Variants in GABRB3 observed in about 807,000 individuals in gnomAD.
GABRB3 encodes gamma-aminobutyric acid type A receptor subunit beta3.
Under a neutral mutation model 52.1 loss-of-function variants are expected in GABRB3, and 14 were observed. That is an observed-to-expected ratio of 0.27 (90% CI 0.18 to 0.42). The LOEUF (loss-of-function observed/expected upper bound fraction) is 0.42, where lower values mean the gene tolerates loss of function less well. GABRB3 is among the 10% of genes least tolerant of loss of function. The probability of loss-of-function intolerance (pLI) is 1.00; values close to 1 mark genes in which losing one functional copy is unlikely to be tolerated. For synonymous variants in GABRB3, 260 were observed against 232.3 expected (o/e 1.12, Z -1.08); for missense variants, 307 against 609.1 (o/e 0.50, Z 5.22).
intron 3 of GABRB3, among the ~76,000 whole-genome samples, chr15:26,719,292 C>T (rs1269745593): frequency 6.6e-6 from 1 of 152,212 alleles, no homozygotes; most frequent in Non-Finnish European, 1.5e-5. Flanking sequence ...CGGACTGTTC[C>T]AGGACTCCGC....
At chr15:26,762,846 A>C (rs1044762476) in intron 3 of GABRB3, among the ~76,000 whole-genome samples, 7 of 152,226 alleles carry the variant, frequency 4.6e-5, no homozygotes, top group African/African-American at 1.7e-4. Flanking sequence ...CCATTGTTTT[A>C]GTCCATGCCA....
Position 26,729,855 on chromosome 15 carries a change from T to C in GABRB3, c.240+42547A>G, listed in dbSNP as rs148085486. ...ACTACCATCCAACACAATAGATGTT[T>C]ACTTGCATGTTTGTTTGTAGTCTGT... On this transcript the variant is annotated intron_variant, in intron 3 of 8. Transcript: ENST00000311550. Among the ~76,000 whole-genome samples the C allele has an allele frequency of 1.5e-3, 228 of 152,320 alleles. 1 individual carries two copies. The highest frequency in any genetic ancestry group is 4.7e-3 in the African/African-American group (194 of 41,570).
In GABRB3 at chr15:26,762,284, T is replaced by C. The variant is rs990769758; in HGVS notation, c.240+10118A>G. Among the ~76,000 whole-genome samples, 5 of 152,226 alleles carry C rather than the reference T, an allele frequency of 3.3e-5. No individual in the cohort carries two copies. The South Asian group carries it at 8.3e-4, about 25-fold the overall frequency. Reference sequence around the variant, plus strand: ...ATTATAACAAGTGCTTTAATCTTCATTTCTGCAAAATATCACTCATCTCCT... The same window carrying C: ...ATTATAACAAGTGCTTTAATCTTCACTTCTGCAAAATATCACTCATCTCCT... On this transcript the variant is annotated intron_variant, in intron 3 of 8. Transcript: ENST00000311550.
chr15:26,614,189 G>T (rs891800497), intron 4 of GABRB3: 1 of 152,166 alleles, frequency 6.6e-6, no homozygotes, highest in African/African-American at 2.4e-5. Flanking sequence ...CCAACAGATA[G>T]CTCAGGTGGG....
At chr15:26,564,261 G>A (rs191575815) in intron 7 of GABRB3, among the ~76,000 whole-genome samples, 112 of 152,244 alleles carry the variant, frequency 7.4e-4, no homozygotes, top group African/African-American at 2.6e-3. Flanking sequence ...TTTGAATAAG[G>A]GACACCCAAC....
chr15:26,705,768 G>A (rs1889078679), intron 3 of GABRB3, among the ~76,000 whole-genome samples: 1 of 152,170 alleles, frequency 6.6e-6, no homozygotes, highest in African/African-American at 2.4e-5. Flanking sequence ...GGGGGTAGAT[G>A]AATATGTTCA....
At position 26,569,898 on chromosome 15, in the gene GABRB3, A is replaced by G. The variant is rs551846334; in HGVS notation, c.683-2165T>C. 7.9e-5 allele frequency among the ~76,000 whole-genome samples: 12 copies of G among 152,248 alleles called. No individual in the cohort carries two copies. In the South Asian group the frequency reaches 1.9e-3, roughly 24 times the overall value. ...CTTCCTAAATGTTTGTTTGTTCTCTATATTTAATCTTGTAAGTTATCTGAT... is the reference window on the plus strand; with the variant it reads ...CTTCCTAAATGTTTGTTTGTTCTCTGTATTTAATCTTGTAAGTTATCTGAT... On this transcript the variant is annotated intron_variant, in intron 6 of 8. Coordinates refer to ENST00000311550, the MANE Select transcript of GABRB3 (RefSeq NM_000814.6).
intron 3 of GABRB3, among the ~76,000 whole-genome samples, chr15:26,747,244 T>C (rs1036760948): frequency 1.3e-5 from 2 of 152,218 alleles, no homozygotes; most frequent in African/African-American, 4.8e-5. Context: ...TTTTAGAGTA[T>C]GTTTGTCTGT....
rs1008015552 is a variant in GABRB3, at chr15:26,547,504, C to T, written c.*289G>A. On this transcript the variant is annotated 3_prime_UTR_variant, in exon 9 of 9. Transcript: ENST00000311550. Reference sequence around the variant, plus strand: ...AAAAACTATGACTTTCTTTAATATGCATCCTGTGGTAAATTGTCCATAGCT... The same window carrying T: ...AAAAACTATGACTTTCTTTAATATGTATCCTGTGGTAAATTGTCCATAGCT... 7.9e-6 allele frequency: 4 copies of T among 503,570 alleles called. No individual in the cohort carries two copies. Among genetic ancestry groups the T allele is most frequent in the South Asian group, 3.9e-5 (1 of 25,616 alleles). The allele number at this position is 503,570 out of a possible 1,614,324, so 31.2% of individuals were successfully genotyped here.
Position 26,561,118 on chromosome 15 carries a change from G to C in GABRB3, c.894C>G (p.Pro298=). The change falls in exon 8 of 9, where the codon CCC becomes CCG. Residue 298 remains proline (P), a synonymous_variant. Coordinates refer to ENST00000311550, the MANE Select transcript of GABRB3 (RefSeq NM_000814.6). The part of the protein sequence containing the change: ...TINTHLRETL[P]KIPYVKAIDM... ...CAATGGCTTTGACATAGGGGATTTTGGGCAAGGTCTCCCGAAGGTGGGTGT... is the reference window on the plus strand; with the variant it reads ...CAATGGCTTTGACATAGGGGATTTTCGGCAAGGTCTCCCGAAGGTGGGTGT... 6.2e-7 allele frequency: 1 copy of C among 1,614,168 alleles called. No homozygotes were observed. The highest frequency in any genetic ancestry group is 8.5e-7 in the Non-Finnish European group (1 of 1,180,028).
intron 3 of GABRB3, among the ~76,000 whole-genome samples, chr15:26,751,124 T>G (rs1890496172): frequency 1.3e-5 from 2 of 152,202 alleles, no homozygotes; most frequent in Admixed American, 6.5e-5. Flanking sequence ...GTGATGCGTT[T>G]TTACAAAAGT....
At chr15:26,773,618 C>T (rs2140201050), upstream of GABRB3, 2 of 1,540,632 alleles carry the variant, frequency 1.3e-6, no homozygotes, top group East Asian at 2.4e-5. Flanking sequence ...ACGGTGCCTG[C>T]AGAACGCCGG....
At chr15:26,768,855 T>C (rs1360757657) in intron 3 of GABRB3, among the ~76,000 whole-genome samples, 2 of 151,718 alleles carry the variant, frequency 1.3e-5, no homozygotes, top group Non-Finnish European at 2.9e-5. Flanking sequence ...TAGAAAAAAA[T>C]TGGAAATGCA....
chr15:26,723,212 T>C (rs754649393), intron 3 of GABRB3, among the ~76,000 whole-genome samples: 15 of 152,214 alleles, frequency 9.9e-5, no homozygotes, highest in Non-Finnish European at 1.9e-4. Flanking sequence ...AATTTTATCA[T>C]TAGAGTCTTT....
intron 3 of GABRB3, among the ~76,000 whole-genome samples, chr15:26,628,508 G>T (rs899361106): frequency 6.6e-6 from 1 of 152,134 alleles, no homozygotes; most frequent in Non-Finnish European, 1.5e-5. Flanking sequence ...TGGGAAGGAT[G>T]ACTACAGGTG....
Position 26,594,507 on chromosome 15 carries a change from A to G in GABRB3, c.462-11093T>C, listed in dbSNP as rs113471143. On this transcript the variant is annotated intron_variant, in intron 4 of 8. Coordinates refer to ENST00000311550, the MANE Select transcript of GABRB3 (RefSeq NM_000814.6). The stretch of plus-strand genomic sequence containing the variant: ...TTTAAATTTATTTATCTATGTATGT[A>G]TTTGTCAGAGATGCAATCCCACTCT... 7.9e-4 allele frequency among the ~76,000 whole-genome samples: 120 copies of G among 152,174 alleles called. 1 individual carries two copies. The highest frequency in any genetic ancestry group is 2.6e-3 in the African/African-American group (109 of 41,516).
chr15:26,728,662 T>C (rs1376342027), intron 3 of GABRB3, among the ~76,000 whole-genome samples: 1 of 152,238 alleles, frequency 6.6e-6, no homozygotes, highest in African/African-American at 2.4e-5. Flanking sequence ...GGTAGTGGTA[T>C]TCTATGCAGT....
chr15:26,762,810 T>G (rs1293588687), intron 3 of GABRB3, among the ~76,000 whole-genome samples: 2 of 151,980 alleles, frequency 1.3e-5, no homozygotes, highest in Non-Finnish European at 2.9e-5. Context: ...ACATTAACAT[T>G]CTATAGGACG....
intron 3 of GABRB3, among the ~76,000 whole-genome samples, chr15:26,679,441 C>T (rs184256283): frequency 2.0e-4 from 30 of 152,270 alleles, no homozygotes; most frequent in African/African-American, 5.1e-4. Flanking sequence ...TCCGGTCACA[C>T]GCATTGCTCT....
Sources: gnomAD v4.1 joint callset for allele counts (sites outside exome capture counted in the v4.1 genomes callset) on GRCh38, gnomAD v4.1.1 for gene constraint, MANE v1.5 for transcripts, NCBI Gene and HGNC (gene_info 2026-07-23, HGNC 2026-07-21) for gene names.